Variants in BANK1 observed in about 807,000 individuals in gnomAD.
BANK1 encodes the protein B cell scaffold protein with ankyrin repeats 1, also known as B-cell scaffold protein with ankyrin repeats.
Under a neutral mutation model 94.5 loss-of-function variants are expected in BANK1, and 95 were observed. The observed-to-expected ratio is 1.00, with a 90% CI of 0.85 to 1.19. The LOEUF (loss-of-function observed/expected upper bound fraction) is 1.19. Ranked by LOEUF, BANK1 falls within the 50% of genes most tolerant of loss-of-function variation. The pLI is 0.00. For missense variants in BANK1, 987 were observed against 932.2 expected, an observed-to-expected ratio of 1.06 and a Z score of -0.77; for synonymous variants, 334 against 308.4, an observed-to-expected ratio of 1.08 and a Z score of -0.87.
At chr4:101,943,031 G>A (rs770651803) in intron 7 of BANK1, among the ~76,000 whole-genome samples, 1 of 151,870 alleles carries the variant, frequency 6.6e-6, no homozygotes, top group Non-Finnish European at 1.5e-5. Flanking sequence ...ATGAGCCAAT[G>A]GTAGTTAGCC....
At chr4:101,867,176 T>TAAA (rs754806525) in intron 4 of BANK1, among the ~76,000 whole-genome samples, 1 of 33,374 alleles carries the variant, frequency 3.0e-5, no homozygotes, top group East Asian at 7.6e-4. Context: ...AAAAAAAATT[T>TAAA]AAAAAAAAAA....
rs146784076 is a variant in BANK1, at chr4:101,970,958, TGTCATAGC to T, written c.1207-50553_1207-50546del. Reference sequence around the variant, plus strand: ...ACTGGCCCGTTGTTTGTCACACTTGTGTCATAGCGTGCAGGCGTGTAATGAGGCTTCAC... The same window carrying T: ...ACTGGCCCGTTGTTTGTCACACTTGTGTGCAGGCGTGTAATGAGGCTTCAC... On this transcript the variant is annotated intron_variant, in intron 7 of 16. Coordinates refer to ENST00000322953, the MANE Select transcript of BANK1 (RefSeq NM_017935.5). Among the ~76,000 whole-genome samples the T allele has an allele frequency of 1.9e-3, 290 of 152,256 alleles. 1 individual carries two copies. The highest frequency in any genetic ancestry group is 6.5e-3 in the African/African-American group (269 of 41,556).
At chr4:101,909,333 A>G (rs1212907226) in intron 6 of BANK1, among the ~76,000 whole-genome samples, 1 of 152,184 alleles carries the variant, frequency 6.6e-6, no homozygotes, top group Non-Finnish European at 1.5e-5. Flanking sequence ...ATAGGTGAGA[A>G]TTGAACAATG....
intron 7 of BANK1, among the ~76,000 whole-genome samples, chr4:101,957,791 C>T (rs1384492694): frequency 6.6e-6 from 1 of 150,882 alleles, no homozygotes; most frequent in African/African-American, 2.4e-5. Context: ...TTTGTGAAAA[C>T]TATCTTTAGG....
intron 6 of BANK1, among the ~76,000 whole-genome samples, chr4:101,911,878 A>G (rs775076206): frequency 6.6e-6 from 1 of 152,182 alleles, no homozygotes; most frequent in Non-Finnish European, 1.5e-5. Flanking sequence ...ACCAACACAC[A>G]AATTGTAGGT....
intron 1 of BANK1, among the ~76,000 whole-genome samples, chr4:101,792,300 G>T (rs565311396): frequency 1.1e-3 from 125 of 113,966 alleles, no homozygotes; most frequent in African/African-American, 4.1e-3. Flanking sequence ...CCTTCTCCAT[G>T]CAGTATTTAT....
chr4:102,059,507 A>T (rs1683544797), intron 11 of BANK1, among the ~76,000 whole-genome samples: 1 of 152,206 alleles, frequency 6.6e-6, no homozygotes, highest in Admixed American at 6.5e-5. Context: ...CCTTAAAGTC[A>T]TGCAGGCCTA....
intron 11 of BANK1, among the ~76,000 whole-genome samples, chr4:102,058,704 A>G (rs1386862619): frequency 6.9e-6 from 1 of 145,526 alleles, no homozygotes; most frequent in Non-Finnish European, 1.5e-5. Context: ...TTTACTCTTA[A>G]AAAAAAAAAA....
intron 1 of BANK1, among the ~76,000 whole-genome samples, chr4:101,803,997 C>CAAAAAAAAAAAAAA: frequency 1.5e-5 from 1 of 68,408 alleles, no homozygotes; most frequent in Admixed American, 2.5e-4. Flanking sequence ...GACTCCGTCT[C>CAAAAAAAAAAAAAA]AAAAAAAAAA....
chr4:101,874,150 C>T (rs1203367189), intron 5 of BANK1, among the ~76,000 whole-genome samples: 1 of 152,082 alleles, frequency 6.6e-6, no homozygotes, highest in East Asian at 1.9e-4. Context: ...TTTTCATTTT[C>T]ATGTCAGGTA....
At chr4:102,013,710 T>G (rs1578455860) in intron 7 of BANK1, among the ~76,000 whole-genome samples, 1 of 152,098 alleles carries the variant, frequency 6.6e-6, no homozygotes, top group South Asian at 2.1e-4. Flanking sequence ...TTTTTTAATC[T>G]TTTGAAGATT....
At chr4:101,839,742 A>G (rs1327315764) in intron 2 of BANK1, among the ~76,000 whole-genome samples, 1 of 151,664 alleles carries the variant, frequency 6.6e-6, no homozygotes, top group Admixed American at 6.6e-5. Flanking sequence ...TACAATAATA[A>G]TTTTTTTATT....
intron 7 of BANK1, among the ~76,000 whole-genome samples, chr4:101,937,882 A>G (rs1259027456): frequency 1.3e-5 from 2 of 152,078 alleles, no homozygotes; most frequent in African/African-American, 4.8e-5. Context: ...AATATGGCAC[A>G]TATACACCAT....
intron 1 of BANK1, among the ~76,000 whole-genome samples, chr4:101,802,015 C>T (rs1371680754): frequency 6.6e-6 from 1 of 152,066 alleles, no homozygotes; most frequent in African/African-American, 2.4e-5. Flanking sequence ...AGGATGGGGG[C>T]GTGGCAAGCC....
chr4:101,826,832 G>T (rs1463231363), intron 1 of BANK1, among the ~76,000 whole-genome samples: 3 of 151,956 alleles, frequency 2.0e-5, no homozygotes, highest in African/African-American at 7.2e-5. Context: ...GCTTGGCATT[G>T]TGTAGGAATT....
chr4:101,856,028 C>T (rs2148874759), intron 3 of BANK1, among the ~76,000 whole-genome samples: 1 of 152,224 alleles, frequency 6.6e-6, no homozygotes, highest in East Asian at 1.9e-4. Context: ...GTATAAAGAG[C>T]CAGAGATACA....
intron 7 of BANK1, among the ~76,000 whole-genome samples, chr4:102,004,872 G>T (rs1039807913): frequency 6.6e-6 from 1 of 152,084 alleles, no homozygotes; most frequent in Non-Finnish European, 1.5e-5. Context: ...GAATCCCTGT[G>T]ACAAGTACCT....
intron 1 of BANK1, among the ~76,000 whole-genome samples, chr4:101,827,208 G>T (rs1187305945): frequency 6.6e-6 from 1 of 151,796 alleles, no homozygotes; most frequent in Non-Finnish European, 1.5e-5. Flanking sequence ...GCTAATGATA[G>T]AATTATTTTA....
intron 7 of BANK1, among the ~76,000 whole-genome samples, chr4:102,003,494 T>G (rs1456841276): frequency 6.6e-6 from 1 of 152,218 alleles, no homozygotes; most frequent in African/African-American, 2.4e-5. Flanking sequence ...CTCCATGTGG[T>G]GAGGCTGTAC....
Sources: gnomAD v4.1 joint callset for allele counts (sites outside exome capture counted in the v4.1 genomes callset) on GRCh38, gnomAD v4.1.1 for gene constraint, MANE v1.5 for transcripts, NCBI Gene and HGNC (gene_info 2026-07-23, HGNC 2026-07-21) for gene names.